DPH6: variants seen among roughly 807,000 people sequenced by gnomAD.
DPH6 encodes the protein diphthine--ammonia ligase.
In DPH6, 33 loss-of-function variants were observed where a neutral mutation model predicts 38.2. The ratio of observed to expected loss-of-function variants is 0.86; its 90% confidence interval spans 0.65 to 1.15. The LOEUF (loss-of-function observed/expected upper bound fraction) is 1.15, where lower values mean the gene tolerates loss of function less well. Ranked by LOEUF, DPH6 falls within the 50% of genes most tolerant of loss-of-function variation. The pLI is 0.00. For missense variants in DPH6, 325 were observed against 320.0 expected (o/e 1.02, Z -0.12); for synonymous variants, 108 against 103.0 (o/e 1.05, Z -0.30).
At chr15:35,523,446 ATT>A (rs2054953048) in intron 3 of DPH6, among the ~76,000 whole-genome samples, 1 of 151,922 alleles carries the variant, frequency 6.6e-6, no homozygotes, top group Non-Finnish European at 1.5e-5. Context: ...AAAAGATCCT[ATT>A]AAGGTTGGTA....
chr15:35,159,566 G>A, the DPH6 span, among the ~76,000 whole-genome samples: 2 of 151,946 alleles, frequency 1.3e-5, no homozygotes, highest in African/African-American at 2.4e-5. Flanking sequence ...AATAACAGGT[G>A]TTGGCAGAAC....
intron 4 of DPH6, among the ~76,000 whole-genome samples, chr15:35,453,030 A>G (rs2053955525): frequency 6.6e-6 from 1 of 152,232 alleles, no homozygotes; most frequent in African/African-American, 2.4e-5. Context: ...TAGGCATTAA[A>G]CACTGGGTGA....
chr15:35,500,761 T>C (rs2054615731), intron 3 of DPH6, among the ~76,000 whole-genome samples: 1 of 152,122 alleles, frequency 6.6e-6, no homozygotes. Context: ...GTGATAATTA[T>C]TCTGTTTTGT....
chr15:35,237,040 GACTGTTT>G, intron 3 of DPH6: 1 of 424,214 alleles, frequency 2.4e-6, no homozygotes, highest in South Asian at 2.9e-5. Flanking sequence ...TGTACATCAT[GACTGTTT>G]TTCTTGGGTT....
chr15:35,211,571 T>A, the DPH6 span, among the ~76,000 whole-genome samples: 40 of 152,332 alleles, frequency 2.6e-4, no homozygotes, highest in Middle Eastern at 0.01. Context: ...GTTTGGAATG[T>A]TAAAAATATT....
At chr15:35,377,011 T>TAC (rs2052790321) in intron 7 of DPH6, among the ~76,000 whole-genome samples, 1 of 152,130 alleles carries the variant, frequency 6.6e-6, no homozygotes, top group Non-Finnish European at 1.5e-5. Context: ...CACATATATA[T>TAC]ACACCAATAA....
the DPH6 span, among the ~76,000 whole-genome samples, chr15:35,170,971 G>C: frequency 0.012 from 1,816 of 152,214 alleles, 30 homozygotes; most frequent in African/African-American, 0.042. Context: ...TTTTTAAATA[G>C]AATATTCTAA....
At chr15:35,294,741 A>G (rs1344389589) in intron 3 of DPH6, among the ~76,000 whole-genome samples, 2 of 152,200 alleles carry the variant, frequency 1.3e-5, no homozygotes, top group Non-Finnish European at 2.9e-5. Context: ...AATCCCACAG[A>G]TAGATATAAA....
chr15:35,258,605 TG>T (rs1347400816), intron 3 of DPH6, among the ~76,000 whole-genome samples: 3 of 152,206 alleles, frequency 2.0e-5, no homozygotes, highest in African/African-American at 7.2e-5. Flanking sequence ...TTCTATAAGC[TG>T]TCTCAGCAAG....
chr15:35,405,043 GA>G (rs1306641878), intron 6 of DPH6, among the ~76,000 whole-genome samples: 1 of 152,050 alleles, frequency 6.6e-6, no homozygotes, highest in Non-Finnish European at 1.5e-5. Flanking sequence ...CAGGTGTGTA[GA>G]TTTGTTTCTG....
At chr15:35,237,855 A>G in intron 3 of DPH6, 1 of 1,528,654 alleles carries the variant, frequency 6.5e-7, no homozygotes, top group Non-Finnish European at 9.1e-7. Context: ...GAGGATGAGG[A>G]GGAGTATGAC....
At chr15:35,511,275 T>C (rs141771870) in intron 3 of DPH6, among the ~76,000 whole-genome samples, 65 of 152,088 alleles carry the variant, frequency 4.3e-4, no homozygotes, top group African/African-American at 1.5e-3. Context: ...TAAAAAGACA[T>C]AAATATTACA....
chr15:35,357,722 C>A (rs192936574), intron 3 of DPH6, among the ~76,000 whole-genome samples: 1 of 152,172 alleles, frequency 6.6e-6, no homozygotes, highest in African/African-American at 2.4e-5. Flanking sequence ...AATCACTTCT[C>A]GCTTGTAGAG....
intron 6 of DPH6, among the ~76,000 whole-genome samples, chr15:35,402,745 T>C (rs2053237213): frequency 6.6e-6 from 1 of 152,014 alleles, no homozygotes; most frequent in Admixed American, 6.6e-5. Flanking sequence ...GCCTTAAAGT[T>C]TTGTATTCTT....
chr15:35,390,936 G>A (rs1371877345), intron 6 of DPH6, among the ~76,000 whole-genome samples: 3 of 152,034 alleles, frequency 2.0e-5, no homozygotes, highest in African/African-American at 7.3e-5. Flanking sequence ...TAGAGTTTCT[G>A]GTTTTTCTGC....
rs376357958 is a variant in DPH6, at chr15:35,241,453, T to C, written n.201-20871A>G. ...CCAGGCTTCTAAACCTCTTAAAACT[T>C]CCCAACTCTGGTGCCAACTTAGACA... On this transcript the variant is annotated intron_variant and non_coding_transcript_variant, in intron 3 of 3. Transcript: ENST00000560386. 2.4e-3 allele frequency among the ~76,000 whole-genome samples: 346 copies of C among 142,894 alleles called. 45 individuals carry two copies. The highest frequency in any genetic ancestry group is 6.1e-3 in the East Asian group (28 of 4,578). The allele number at this position is 142,894 out of a possible 152,430, so 93.7% of individuals were successfully genotyped here. A position where few individuals can be genotyped will look rare whatever the true frequency, so the allele number is the denominator to read the frequency against.
the DPH6 span, among the ~76,000 whole-genome samples, chr15:35,159,426 G>T: frequency 6.6e-6 from 1 of 151,706 alleles, no homozygotes; most frequent in Non-Finnish European, 1.5e-5. Context: ...TCTTCTCTAA[G>T]ACATACAAGT....
chr15:35,522,426 A>G, intron 3 of DPH6: 1 of 698,842 alleles, frequency 1.4e-6, no homozygotes, highest in Non-Finnish European at 2.2e-6. Flanking sequence ...GTGAATGAAA[A>G]TAACTCAATG....
At chr15:35,148,435 A>G in the DPH6 span, among the ~76,000 whole-genome samples, 4 of 152,182 alleles carry the variant, frequency 2.6e-5, no homozygotes, top group Admixed American at 1.3e-4. Context: ...GGTTCAATAG[A>G]TTGAAATATA....
Sources: allele counts gnomAD v4.1 joint callset (sites outside exome capture counted in the v4.1 genomes callset), GRCh38; gene constraint gnomAD v4.1.1; transcripts MANE v1.5; gene names NCBI Gene and HGNC (gene_info 2026-07-23, HGNC 2026-07-21).